EYS: variants seen among roughly 807,000 people sequenced by gnomAD.
EYS encodes the protein EGF-like photoreceptor maintenance factor.
In EYS, 250 loss-of-function variants were observed where a neutral mutation model predicts 282.1. The observed-to-expected ratio is 0.89, with a 90% confidence interval of 0.80 to 0.98. The LOEUF (loss-of-function observed/expected upper bound fraction) is 0.98, where lower values mean the gene tolerates loss of function less well. Among genes scored for constraint, EYS ranks in the 50% least tolerant of loss-of-function variants. The pLI is 0.00. For missense variants in EYS, 4,016 were observed against 3,709.0 expected, an observed-to-expected ratio of 1.08 and a Z score of -2.15; for synonymous variants, 1,355 against 1,282.9, an observed-to-expected ratio of 1.06 and a Z score of -1.20.
intron 29 of EYS, among the ~76,000 whole-genome samples, chr6:64,364,032 T>C (rs1772111640): frequency 6.6e-6 from 1 of 151,886 alleles, no homozygotes; most frequent in Non-Finnish European, 1.5e-5. Context: ...ACACACATCA[T>C]GCAGCCCTTA....
At chr6:63,825,852 A>G (rs139603293) in intron 36 of EYS, among the ~76,000 whole-genome samples, 36 of 152,312 alleles carry the variant, frequency 2.4e-4, no homozygotes, top group Non-Finnish European at 5.1e-4. Flanking sequence ...CACCCCTCAA[A>G]AATCACACTA....
At chr6:65,244,782 A>G (rs2150278606) in intron 12 of EYS, among the ~76,000 whole-genome samples, 1 of 151,808 alleles carries the variant, frequency 6.6e-6, no homozygotes, top group East Asian at 1.9e-4. Context: ...TCGGCCTTCC[A>G]AAGTGCTGGG....
rs1772616612 is a variant in EYS at position 63,864,231 on chromosome 6, C to T, written c.7183G>A (p.Val2395Ile). 1 of 1,550,244 alleles carries T rather than the reference C, an allele frequency of 6.5e-7. No individual in the cohort carries two copies. Reference protein sequence around the residue: ...TCVPKSGTDIVCLCPYGRSGP... With the variant: ...TCVPKSGTDIICLCPYGRSGP... ...GACCTCCCATATGGGCAGAGGCAGACAATATCTGTTCCGGATTTTGGAACA... is the reference window on the plus strand; with the variant it reads ...GACCTCCCATATGGGCAGAGGCAGATAATATCTGTTCCGGATTTTGGAACA... The change falls in exon 36 of 43, where the codon GTC becomes ATC. Residue 2395 changes from valine to isoleucine, a missense_variant. Val to Ile is a conservative substitution (Grantham distance 29, BLOSUM62 3). Coordinates refer to ENST00000503581, the MANE Select transcript of EYS (RefSeq NM_001142800.2).
intron 32 of EYS, among the ~76,000 whole-genome samples, chr6:64,080,175 G>T (rs942841149): frequency 6.6e-6 from 1 of 152,166 alleles, no homozygotes; most frequent in African/African-American, 2.4e-5. Context: ...CTAGTTTACA[G>T]TCCCACCAAC....
intron 22 of EYS, among the ~76,000 whole-genome samples, chr6:64,687,366 G>A (rs1319656246): frequency 6.6e-6 from 1 of 152,126 alleles, no homozygotes; most frequent in African/African-American, 2.4e-5. Flanking sequence ...AAGAATGCAT[G>A]AGAGTTTAAA....
chr6:64,084,269 C>G (rs1161347619), intron 31 of EYS, among the ~76,000 whole-genome samples: 1 of 152,138 alleles, frequency 6.6e-6, no homozygotes, highest in African/African-American at 2.4e-5. Context: ...TGGTCTTGCT[C>G]TGATTTTTCA....
intron 31 of EYS, among the ~76,000 whole-genome samples, chr6:64,177,504 GAATT>G (rs927179873): frequency 6.6e-6 from 1 of 151,776 alleles, no homozygotes; most frequent in Non-Finnish European, 1.5e-5. Context: ...TTAATCCCTT[GAATT>G]AATTAATTTC....
intron 1 of EYS, among the ~76,000 whole-genome samples, chr6:65,693,599 T>C (rs1769328158): frequency 6.7e-6 from 1 of 149,890 alleles, no homozygotes; most frequent in Non-Finnish European, 1.5e-5. Flanking sequence ...ACTAGTCTGA[T>C]ATTTAATATT....
At chr6:63,908,032 AC>A (rs1562090515) in intron 35 of EYS, among the ~76,000 whole-genome samples, 1 of 47,454 alleles carries the variant, frequency 2.1e-5, no homozygotes, top group Non-Finnish European at 3.8e-5. Flanking sequence ...ATATATATAT[AC>A]GTTTGTGTGT....
At chr6:63,752,861 G>A (rs1407214074) in intron 41 of EYS, among the ~76,000 whole-genome samples, 1 of 151,960 alleles carries the variant, frequency 6.6e-6, no homozygotes, top group Non-Finnish European at 1.5e-5. Flanking sequence ...CCAGGACGTA[G>A]TGCTCTGTTT....
intron 14 of EYS, among the ~76,000 whole-genome samples, chr6:64,953,439 CTTA>C (rs1410750649): frequency 6.6e-6 from 1 of 151,700 alleles, no homozygotes; most frequent in Non-Finnish European, 1.5e-5. Context: ...TCCCTATTGA[CTTA>C]TTATCTCTTT....
At chr6:64,698,750 G>A (rs956906049) in intron 22 of EYS, among the ~76,000 whole-genome samples, 1 of 152,116 alleles carries the variant, frequency 6.6e-6, no homozygotes, top group Non-Finnish European at 1.5e-5. Flanking sequence ...CATCATCAGA[G>A]AAATGCAAAT....
chr6:65,294,007 A>T (rs916044152), intron 12 of EYS, among the ~76,000 whole-genome samples: 7 of 151,842 alleles, frequency 4.6e-5, no homozygotes, highest in African/African-American at 1.4e-4. Context: ...GGGGGAAAAG[A>T]GACAGCAAGG....
chr6:64,869,806 G>C (rs187272906), intron 19 of EYS, among the ~76,000 whole-genome samples: 2 of 151,612 alleles, frequency 1.3e-5, no homozygotes, highest in Admixed American at 6.6e-5. Context: ...TAACAAAAAT[G>C]AGAGGGCATT....
At chr6:64,635,023 T>A (rs9353986) in intron 22 of EYS, among the ~76,000 whole-genome samples, 88,538 of 151,296 alleles carry the variant, frequency 0.59, 26,084 homozygotes, top group South Asian at 0.68. Context: ...TAGTTCTCCT[T>A]GAAGAGGTCC....
chr6:65,680,359 T>C (rs1474113189), intron 1 of EYS, among the ~76,000 whole-genome samples: 1 of 151,980 alleles, frequency 6.6e-6, no homozygotes, highest in Non-Finnish European at 1.5e-5. Context: ...ATAATCATAC[T>C]ATTTGTTTTC....
chr6:65,561,929 A>G (rs928913760), intron 2 of EYS, among the ~76,000 whole-genome samples: 73 of 151,798 alleles, frequency 4.8e-4, no homozygotes, highest in Non-Finnish European at 8.5e-4. Context: ...TTAAATGGTT[A>G]TAAAAATACA....
intron 12 of EYS, among the ~76,000 whole-genome samples, chr6:65,177,996 G>T (rs1765270449): frequency 6.6e-6 from 1 of 151,862 alleles, no homozygotes; most frequent in Non-Finnish European, 1.5e-5. Flanking sequence ...GCACTAAGGA[G>T]TTAAAATAAA....
chr6:65,481,495 C>A (rs981644092), intron 5 of EYS, among the ~76,000 whole-genome samples: 1 of 152,118 alleles, frequency 6.6e-6, no homozygotes, highest in African/African-American at 2.4e-5. Context: ...ATAGTATACA[C>A]TACCTTGTTG....
Sources: allele counts gnomAD v4.1 joint callset (sites outside exome capture counted in the v4.1 genomes callset), GRCh38; gene constraint gnomAD v4.1.1; transcripts MANE v1.5; gene names NCBI Gene and HGNC (gene_info 2026-07-23, HGNC 2026-07-21).